Variants in C1QTNF3 observed in about 807,000 individuals in gnomAD.
C1QTNF3 encodes the protein C1q and TNF related 3, also known as complement C1q tumor necrosis factor-related protein 3.
A neutral mutation model predicts 32.6 loss-of-function variants in C1QTNF3; 26 were observed. The ratio of observed to expected loss-of-function variants is 0.80; its 90% CI spans 0.58 to 1.11. C1QTNF3 has a LOEUF of 1.11. Ranked by LOEUF, C1QTNF3 falls within the 50% of genes least tolerant of loss-of-function variation. C1QTNF3 has a pLI of 0.00. For synonymous variants in C1QTNF3, 155 were observed against 146.0 expected (o/e 1.06, Z -0.44); for missense variants, 362 against 398.2 (o/e 0.91, Z 0.77).
chr5:34,121,270 T>C, the C1QTNF3 span, among the ~76,000 whole-genome samples: 1 of 152,218 alleles, frequency 6.6e-6, no homozygotes, highest in African/African-American at 2.4e-5. Context: ...CAAAGTCCTA[T>C]TTGTTTTTGT....
At chr5:34,073,093 C>T in the C1QTNF3 span, among the ~76,000 whole-genome samples, 1 of 152,078 alleles carries the variant, frequency 6.6e-6, no homozygotes, top group Non-Finnish European at 1.5e-5. Flanking sequence ...TTTGGGAAGC[C>T]GTGGCGGGTG....
At chr5:34,173,183 T>C in the C1QTNF3 span, among the ~76,000 whole-genome samples, 2 of 152,150 alleles carry the variant, frequency 1.3e-5, no homozygotes, top group African/African-American at 4.8e-5. Flanking sequence ...ATAAAAAATA[T>C]ATGTATAAAA....
chr5:34,023,934 C>T lies in C1QTNF3; in HGVS notation c.775G>A (p.Gly259Ser). ...CTGTACATGCTGAAGACTGTGTTGC[C>T]ATTGTGCATAAGGTACACATACACT... ...EEVYVYLMHN[G>S]NTVFSMYSYE... The change falls in exon 5 of 6, where the codon GGC (glycine) becomes AGC (serine). Residue 259 changes from glycine to serine, a missense_variant. Gly to Ser is a moderately conservative substitution (Grantham distance 56, BLOSUM62 0). Transcript: ENST00000382065. 1.2e-5 allele frequency: 20 copies of T among 1,614,072 alleles called. No individual in the cohort carries two copies. Among genetic ancestry groups the T allele is most frequent in the Non-Finnish European group, 1.6e-5 (19 of 1,179,984 alleles).
chr5:34,032,694 G>T (rs1388771294), intron 3 of C1QTNF3, among the ~76,000 whole-genome samples: 1 of 152,172 alleles, frequency 6.6e-6, no homozygotes, highest in Non-Finnish European at 1.5e-5. Context: ...CTATAGGGAG[G>T]CTGAGGCAGG....
the C1QTNF3 span, among the ~76,000 whole-genome samples, chr5:34,056,928 G>T: frequency 6.6e-6 from 1 of 152,126 alleles, no homozygotes; most frequent in Non-Finnish European, 1.5e-5. Flanking sequence ...AGCACAAATA[G>T]TAACCTACTA....
At chr5:34,160,252 T>C in the C1QTNF3 span, among the ~76,000 whole-genome samples, 4 of 152,176 alleles carry the variant, frequency 2.6e-5, no homozygotes, top group Admixed American at 1.3e-4. Context: ...ACAGAACACC[T>C]GTCTAACAGA....
At chr5:34,157,129 C>T in the C1QTNF3 span, among the ~76,000 whole-genome samples, 7 of 152,082 alleles carry the variant, frequency 4.6e-5, no homozygotes, top group East Asian at 1.9e-4. Flanking sequence ...ATAGGACTTT[C>T]GGCAAATTTC....
chr5:34,034,927 A>C (rs1415363438), intron 2 of C1QTNF3, among the ~76,000 whole-genome samples: 3 of 152,240 alleles, frequency 2.0e-5, no homozygotes, highest in African/African-American at 7.2e-5. Context: ...GATAAATATT[A>C]ACATCAATGA....
At chr5:34,235,577 T>C in the C1QTNF3 span, among the ~76,000 whole-genome samples, 2 of 149,356 alleles carry the variant, frequency 1.3e-5, no homozygotes, top group African/African-American at 4.9e-5. Context: ...CCTGTGTTTA[T>C]CTATTTCTTG....
At chr5:34,230,472 C>A in the C1QTNF3 span, among the ~76,000 whole-genome samples, 1 of 152,104 alleles carries the variant, frequency 6.6e-6, no homozygotes, top group East Asian at 1.9e-4. Flanking sequence ...GTCATGATTT[C>A]TATCCCTTCA....
the C1QTNF3 span, among the ~76,000 whole-genome samples, chr5:34,170,854 T>C: frequency 2.9e-4 from 44 of 152,254 alleles, no homozygotes; most frequent in African/African-American, 1.1e-3. Flanking sequence ...ATTTAAAGAA[T>C]CTTAGAATAT....
At chr5:34,234,151 T>C in the C1QTNF3 span, among the ~76,000 whole-genome samples, 1 of 152,160 alleles carries the variant, frequency 6.6e-6, no homozygotes. Context: ...TAAAGTTACA[T>C]TAACACTTGG....
At chr5:34,228,124 G>GA in the C1QTNF3 span, among the ~76,000 whole-genome samples, 1 of 151,818 alleles carries the variant, frequency 6.6e-6, no homozygotes, top group Middle Eastern at 3.2e-3. Flanking sequence ...AACCTTTTCG[G>GA]AAGGTAGAAA....
At chr5:34,162,021 G>A in the C1QTNF3 span, among the ~76,000 whole-genome samples, 1 of 151,896 alleles carries the variant, frequency 6.6e-6, no homozygotes, top group Non-Finnish European at 1.5e-5. Context: ...CATAAAGTTA[G>A]TTTTACCCTG....
chr5:34,198,247 T>C, the C1QTNF3 span, among the ~76,000 whole-genome samples: 1 of 138,786 alleles, frequency 7.2e-6, no homozygotes, highest in Non-Finnish European at 1.5e-5. Context: ...GTCTCAAAAA[T>C]AAATAAATAA....
chr5:34,042,678 A>G lies in C1QTNF3; in HGVS notation c.303+145T>C, dbSNP rs1016244840. ...TCTCTTGTACCCAAGAGCAATCCAG[A>G]AAGAGATTCACAAGCAGCTTAGCGA... is the stretch of plus-strand genomic sequence containing the variant. On this transcript the variant is annotated intron_variant, in intron 1 of 5. Coordinates refer to ENST00000382065, the MANE Select transcript of C1QTNF3 (RefSeq NM_181435.6). 38 of 777,444 alleles carry G rather than the reference A, an allele frequency of 4.9e-5. 1 individual carries two copies. The East Asian group carries it at 1.0e-3, about 20-fold the overall frequency. 48.2% of individuals were successfully genotyped at this position (777,444 alleles called of 1,614,324 possible).
the C1QTNF3 span, among the ~76,000 whole-genome samples, chr5:34,154,719 T>C: frequency 1.3e-5 from 2 of 152,132 alleles, no homozygotes; most frequent in East Asian, 3.9e-4. Context: ...TTGTATCATC[T>C]GGAAGTAGGA....
the C1QTNF3 span, among the ~76,000 whole-genome samples, chr5:34,132,435 G>GTGTATATATATATA: frequency 5.8e-5 from 8 of 137,740 alleles, no homozygotes; most frequent in South Asian, 2.3e-4. Flanking sequence ...GTATGTGTAT[G>GTGTATATATATATA]TATATATATA....
At chr5:34,244,211 A>G in the C1QTNF3 span, among the ~76,000 whole-genome samples, 5 of 152,130 alleles carry the variant, frequency 3.3e-5, no homozygotes, top group African/African-American at 9.7e-5. Flanking sequence ...TCGATCAGGG[A>G]CCTGTGGATT....
Sources: gnomAD v4.1 joint callset for allele counts (sites outside exome capture counted in the v4.1 genomes callset) on GRCh38, gnomAD v4.1.1 for gene constraint, MANE v1.5 for transcripts, NCBI Gene and HGNC (gene_info 2026-07-23, HGNC 2026-07-21) for gene names.